The following PINX1 variants were observed in gnomAD, a reference collection of about 807,000 sequenced individuals.
PINX1 encodes PIN2 (TERF1) interacting telomerase inhibitor 1.
A neutral mutation model predicts 25.4 loss-of-function variants in PINX1; 34 were observed. The ratio of observed to expected loss-of-function variants is 1.34; its 90% CI spans 1.02 to 1.78. The LOEUF is 1.78. Ranked by LOEUF, PINX1 falls within the 40% of genes most tolerant of loss-of-function variation. The probability of loss-of-function intolerance (pLI) is 0.00; values close to 1 mark genes in which losing one functional copy is unlikely to be tolerated. For synonymous variants in PINX1, 197 were observed against 147.7 expected (o/e 1.33, Z -2.42); for missense variants, 592 against 404.9 (o/e 1.46, Z -3.97).
intron 6 of PINX1, among the ~76,000 whole-genome samples, chr8:10,780,393 T>C (rs1316653052): frequency 1.3e-5 from 2 of 152,186 alleles, no homozygotes; most frequent in Admixed American, 6.5e-5. Context: ...ATTTTCTTTC[T>C]GTACCTAAAT....
intron 6 of PINX1, among the ~76,000 whole-genome samples, chr8:10,812,168 A>G (rs1462442563): frequency 5.3e-5 from 8 of 152,210 alleles, no homozygotes; most frequent in Non-Finnish European, 1.0e-4. Flanking sequence ...CCTGAAGTCT[A>G]TTTGATCTCT....
intron 6 of PINX1, among the ~76,000 whole-genome samples, chr8:10,774,086 ACCCAGCACTGG>A (rs1801313202): frequency 6.6e-6 from 1 of 152,196 alleles, no homozygotes; most frequent in Non-Finnish European, 1.5e-5. Flanking sequence ...AACAGCTGAG[ACCCAGCACTGG>A]CCTCTCACAG....
chr8:10,834,833 C>A, intron 1 of PINX1, 58 bp from the exon 2 acceptor site: 1 of 1,148,382 alleles, frequency 8.7e-7, no homozygotes, highest in Non-Finnish European at 1.3e-6. Context: ...AAATACCACA[C>A]AAACATACAC....
intron 6 of PINX1, among the ~76,000 whole-genome samples, chr8:10,814,046 G>A (rs560837178): frequency 7.2e-4 from 110 of 152,248 alleles, no homozygotes; most frequent in African/African-American, 2.3e-3. Flanking sequence ...GGCAGGCACC[G>A]GTCAGCACAA....
At chr8:10,823,535 A>G (rs1797940497) in intron 5 of PINX1, among the ~76,000 whole-genome samples, 1 of 152,132 alleles carries the variant, frequency 6.6e-6, no homozygotes, top group African/African-American at 2.4e-5. Context: ...AATACAAAAA[A>G]CTACAAACCA....
chr8:10,797,418 A>C (rs1026523831), intron 6 of PINX1, among the ~76,000 whole-genome samples: 7 of 152,228 alleles, frequency 4.6e-5, no homozygotes, highest in African/African-American at 1.7e-4. Context: ...GCAGAGCCTC[A>C]AACAGTCAAC....
In PINX1 at chr8:10,826,218, ATTTCT is replaced by A; in HGVS notation, c.323_327del (p.Lys108IlefsTer3). On this transcript the variant is annotated frameshift_variant, in exon 5 of 7. Coordinates refer to ENST00000314787, the MANE Select transcript of PINX1 (RefSeq NM_017884.6). LOFTEE classifies it high-confidence loss of function. Reference sequence around the variant, plus strand: ...TTGGACTTTTCCTCAAGGCTAAAAGATTTCTTTTCCTTCTTGTCCGAGGAATCTTT... The same window carrying A: ...TTGGACTTTTCCTCAAGGCTAAAAGATTTCCTTCTTGTCCGAGGAATCTTT... 2 of 1,591,310 alleles carry A rather than the reference ATTTCT, an allele frequency of 1.3e-6. No homozygotes were observed. Among genetic ancestry groups the A allele is most frequent in the Non-Finnish European group, 1.7e-6 (2 of 1,162,956 alleles).
At chr8:10,770,696 T>TTCC (rs1801196303) in intron 6 of PINX1, among the ~76,000 whole-genome samples, 1 of 152,130 alleles carries the variant, frequency 6.6e-6, no homozygotes, top group African/African-American at 2.4e-5. Flanking sequence ...GGCAAGGAAA[T>TTCC]GAAGCAGTTT....
chr8:10,827,486 T>G (rs1454315413), intron 4 of PINX1, among the ~76,000 whole-genome samples: 1 of 152,110 alleles, frequency 6.6e-6, no homozygotes, highest in Non-Finnish European at 1.5e-5. Flanking sequence ...GCTAGCCACC[T>G]GCATTCTCTC....
intron 6 of PINX1, among the ~76,000 whole-genome samples, chr8:10,804,351 G>T (rs1802368011): frequency 6.6e-6 from 1 of 152,164 alleles, no homozygotes; most frequent in African/African-American, 2.4e-5. Flanking sequence ...GTGCTCAGGG[G>T]CCTGAAAGAG....
intron 5 of PINX1, 39 bp downstream of exon 5, chr8:10,826,113 G>A (rs2271357): frequency 0.37 from 433,302 of 1,160,530 alleles, 85,549 homozygotes; most frequent in African/African-American, 0.64. Context: ...GGACAAACAC[G>A]TAGATTTCAA....
chr8:10,825,307 C>G, intron 5 of PINX1: 2 of 534,096 alleles, frequency 3.7e-6, no homozygotes, highest in Admixed American at 3.9e-5. Flanking sequence ...ATGTGCTGTT[C>G]CTGGCATATC....
At chr8:10,831,395 A>G (rs568166139) in intron 4 of PINX1, among the ~76,000 whole-genome samples, 21 of 152,342 alleles carry the variant, frequency 1.4e-4, no homozygotes, top group African/African-American at 5.1e-4. Flanking sequence ...ACTATAATAA[A>G]TAATATTTTA....
At chr8:10,779,750 T>C (rs1276105168) in intron 6 of PINX1, among the ~76,000 whole-genome samples, 2 of 152,210 alleles carry the variant, frequency 1.3e-5, no homozygotes, top group South Asian at 2.1e-4. Context: ...TCTGGCAATA[T>C]GACTATAAAC....
At chr8:10,813,822 G>C (rs1797610528) in intron 6 of PINX1, among the ~76,000 whole-genome samples, 1 of 149,876 alleles carries the variant, frequency 6.7e-6, no homozygotes, top group Admixed American at 6.7e-5. Flanking sequence ...TGGTTTCGGA[G>C]TATTTTCTCT....
chr8:10,790,374 G>C (rs1225905176), intron 6 of PINX1, among the ~76,000 whole-genome samples: 4 of 152,222 alleles, frequency 2.6e-5, no homozygotes, highest in East Asian at 1.9e-4. Flanking sequence ...CATCAGGTCA[G>C]ATGTGGAGGA....
chr8:10,792,045 A>G (rs893764331), intron 6 of PINX1, among the ~76,000 whole-genome samples: 7 of 152,266 alleles, frequency 4.6e-5, no homozygotes, highest in African/African-American at 1.7e-4. Context: ...CAGGACCAGC[A>G]AGGGTAGCGC....
At chr8:10,802,386 G>T (rs1292516818) in intron 6 of PINX1, among the ~76,000 whole-genome samples, 1 of 152,160 alleles carries the variant, frequency 6.6e-6, no homozygotes, top group Non-Finnish European at 1.5e-5. Flanking sequence ...CAAGAACAAG[G>T]TTGACGTGTA....
intron 6 of PINX1, among the ~76,000 whole-genome samples, chr8:10,802,489 A>G (rs970983222): frequency 6.6e-6 from 1 of 152,206 alleles, no homozygotes; most frequent in Non-Finnish European, 1.5e-5. Context: ...TTATGATTTA[A>G]AAATTACTTT....
Sources: gnomAD v4.1 joint callset for allele counts (sites outside exome capture counted in the v4.1 genomes callset) on GRCh38, gnomAD v4.1.1 for gene constraint, MANE v1.5 for transcripts, NCBI Gene and HGNC (gene_info 2026-07-23, HGNC 2026-07-21) for gene names.